Variants in NELL1 observed in about 807,000 individuals in gnomAD.
NELL1 encodes the protein neural EGFL like 1.
Under a neutral mutation model 107.4 loss-of-function variants are expected in NELL1, and 76 were observed. The observed-to-expected ratio is 0.71, with a 90% CI of 0.59 to 0.86. The LOEUF is 0.86. Among genes scored for constraint, NELL1 ranks in the 40% least tolerant of loss-of-function variants. The pLI, the probability that NELL1 is intolerant of heterozygous loss-of-function variation, is 0.00. For missense variants in NELL1, 1,024 were observed against 1,005.5 expected (o/e 1.02, Z -0.25); for synonymous variants, 353 against 341.2 (o/e 1.03, Z -0.38).
intron 14 of NELL1, among the ~76,000 whole-genome samples, chr11:21,358,181 G>A (rs1355154501): frequency 1.3e-5 from 2 of 152,142 alleles, no homozygotes; most frequent in African/African-American, 4.8e-5. Context: ...GCTCTGTGAA[G>A]AATGATGATG....
chr11:20,737,560 A>G (rs1855791011), intron 2 of NELL1, among the ~76,000 whole-genome samples: 1 of 152,164 alleles, frequency 6.6e-6, no homozygotes, highest in Non-Finnish European at 1.5e-5. Context: ...AGATAATAGT[A>G]GTGTGTACCT....
At chr11:20,708,011 G>A (rs778759841) in intron 2 of NELL1, among the ~76,000 whole-genome samples, 4 of 152,204 alleles carry the variant, frequency 2.6e-5, no homozygotes, top group Non-Finnish European at 5.9e-5. Flanking sequence ...GAGCTTCCCG[G>A]CTGCTTTGTT....
At chr11:20,845,462 G>A (rs1848687102) in intron 3 of NELL1, among the ~76,000 whole-genome samples, 1 of 152,140 alleles carries the variant, frequency 6.6e-6, no homozygotes, top group African/African-American at 2.4e-5. Flanking sequence ...ATTGATTGAA[G>A]CCCTTTCAAG....
At chr11:21,529,458 A>T (rs1167053529) in intron 15 of NELL1, among the ~76,000 whole-genome samples, 1 of 152,252 alleles carries the variant, frequency 6.6e-6, no homozygotes, top group Admixed American at 6.5e-5. Context: ...CAATTCTGGC[A>T]TTCAGCAAAT....
intron 15 of NELL1, among the ~76,000 whole-genome samples, chr11:21,477,144 C>T (rs938129988): frequency 1.3e-5 from 2 of 152,014 alleles, no homozygotes; most frequent in African/African-American, 4.8e-5. Context: ...AGTGCTTGCA[C>T]CACCCCTCCC....
At chr11:20,929,112 A>G (rs1030081045) in intron 9 of NELL1, among the ~76,000 whole-genome samples, 1 of 152,226 alleles carries the variant, frequency 6.6e-6, no homozygotes, top group Non-Finnish European at 1.5e-5. Flanking sequence ...GCTTACGAAA[A>G]TCATGAGGCT....
chr11:21,312,076 C>T (rs1849761912), intron 14 of NELL1, among the ~76,000 whole-genome samples: 1 of 152,064 alleles, frequency 6.6e-6, no homozygotes, highest in African/African-American at 2.4e-5. Context: ...CTGCCAGCAC[C>T]TTGATTTTGG....
chr11:20,694,061 C>G (rs940580048), intron 2 of NELL1, among the ~76,000 whole-genome samples: 50 of 152,162 alleles, frequency 3.3e-4, no homozygotes, highest in Admixed American at 3.9e-4. Flanking sequence ...GATACCCTCT[C>G]TTCCAGTTGA....
chr11:21,095,206 C>G (rs1467186537), intron 12 of NELL1, among the ~76,000 whole-genome samples: 1 of 152,138 alleles, frequency 6.6e-6, no homozygotes, highest in East Asian at 1.9e-4. Flanking sequence ...CAAGAGTCAC[C>G]TTTGCTCCAG....
At chr11:20,950,946 T>C (rs1564982488) in intron 11 of NELL1, among the ~76,000 whole-genome samples, 1 of 152,232 alleles carries the variant, frequency 6.6e-6, no homozygotes, top group Non-Finnish European at 1.5e-5. Context: ...TCTCTTACTG[T>C]GACCATCCGG....
intron 11 of NELL1, among the ~76,000 whole-genome samples, chr11:20,955,744 G>A (rs896759421): frequency 2.4e-4 from 37 of 151,958 alleles, no homozygotes; most frequent in African/African-American, 8.5e-4. Context: ...TATTATAAGT[G>A]CATGAAACTT....
intron 15 of NELL1, among the ~76,000 whole-genome samples, chr11:21,526,014 G>A (rs1200831521): frequency 6.6e-6 from 1 of 152,084 alleles, no homozygotes; most frequent in East Asian, 1.9e-4. Flanking sequence ...ACTCATTTCA[G>A]CATTAACTCA....
chr11:21,232,148 A>AAAAAAAAAAT (rs1554985090), intron 14 of NELL1, among the ~76,000 whole-genome samples: 25 of 5,482 alleles, frequency 4.6e-3, no homozygotes, highest in South Asian at 0.034. Flanking sequence ...AAAAAAAAAT[A>AAAAAAAAAAT]AAAAAAAAAA....
At chr11:20,793,828 G>A (rs896560567) in intron 3 of NELL1, among the ~76,000 whole-genome samples, 1 of 133,162 alleles carries the variant, frequency 7.5e-6, no homozygotes, top group African/African-American at 2.5e-5. Context: ...AAATATGTGC[G>A]TCAGATTTTT....
chr11:20,919,351 C>A lies in NELL1; in HGVS notation c.759+17C>A. The A allele has an allele frequency of 6.9e-7, 1 of 1,448,982 alleles. No individual in the cohort carries two copies. Among genetic ancestry groups the A allele is most frequent in the Non-Finnish European group, 9.6e-7 (1 of 1,037,546 alleles). 89.8% of individuals were successfully genotyped at this position (1,448,982 alleles called of 1,614,324 possible). Reference sequence around the variant, plus strand: ...ACTGCAAAAGTAGGTATCTAAATTTCATTTGTGATGTTTCATTTCTTTTTC... The same window carrying A: ...ACTGCAAAAGTAGGTATCTAAATTTAATTTGTGATGTTTCATTTCTTTTTC... On this transcript the variant is annotated intron_variant, in intron 7 of 19. Transcript: ENST00000357134.
At chr11:21,081,120 T>A (rs1029845917) in intron 12 of NELL1, among the ~76,000 whole-genome samples, 15 of 152,082 alleles carry the variant, frequency 9.9e-5, no homozygotes, top group African/African-American at 3.6e-4. Context: ...TTTCCAGCCT[T>A]ATCACTCTTC....
At chr11:20,877,411 G>C (rs185564670) in intron 4 of NELL1, among the ~76,000 whole-genome samples, 2 of 152,150 alleles carry the variant, frequency 1.3e-5, no homozygotes, top group Non-Finnish European at 2.9e-5. Context: ...AGGTACTGTG[G>C]AGTCTCTTCA....
chr11:21,574,522 A>C (rs563949886), intron 19 of NELL1, among the ~76,000 whole-genome samples: 1 of 151,950 alleles, frequency 6.6e-6, no homozygotes, highest in East Asian at 2.0e-4. Context: ...AGTCACCATG[A>C]GAGATTTTAT....
At chr11:21,476,251 C>T (rs1161234277) in intron 15 of NELL1, among the ~76,000 whole-genome samples, 1 of 152,042 alleles carries the variant, frequency 6.6e-6, no homozygotes, top group African/African-American at 2.4e-5. Flanking sequence ...GGGCCTTTCT[C>T]ATTGTCTTTC....
Sources: gnomAD v4.1 joint callset for allele counts (sites outside exome capture counted in the v4.1 genomes callset) on GRCh38, gnomAD v4.1.1 for gene constraint, MANE v1.5 for transcripts, NCBI Gene and HGNC (gene_info 2026-07-23, HGNC 2026-07-21) for gene names.